Variants in CCDC141 observed in about 807,000 individuals in gnomAD.
CCDC141 encodes coiled-coil domain-containing protein 141.
CCDC141 carries 168 observed loss-of-function variants against 181.0 expected under a neutral mutation model. The observed-to-expected ratio is 0.93, with a 90% CI of 0.82 to 1.05. The LOEUF (loss-of-function observed/expected upper bound fraction) is 1.05, where lower values mean the gene tolerates loss of function less well. Among genes scored for constraint, CCDC141 ranks in the 50% least tolerant of loss-of-function variants. CCDC141 has a pLI of 0.00. For synonymous variants in CCDC141, 666 were observed against 642.3 expected (o/e 1.04, Z -0.56); for missense variants, 1,902 against 1,788.5 (o/e 1.06, Z -1.14).
At chr2:178,971,663 A>G (rs1263660828) in intron 4 of CCDC141, among the ~76,000 whole-genome samples, 2 of 152,212 alleles carry the variant, frequency 1.3e-5, no homozygotes, top group Non-Finnish European at 2.9e-5. Context: ...AAAGACTTGG[A>G]ACCAACCCAA....
chr2:179,033,420 A>T (rs1013342975), intron 2 of CCDC141, among the ~76,000 whole-genome samples: 1 of 152,136 alleles, frequency 6.6e-6, no homozygotes, highest in Non-Finnish European at 1.5e-5. Context: ...GTGAATTTTG[A>T]TATCTTCAGA....
chr2:178,948,731 G>T (rs773682490), intron 5 of CCDC141, among the ~76,000 whole-genome samples: 11 of 152,138 alleles, frequency 7.2e-5, no homozygotes, highest in Non-Finnish European at 1.5e-4. Context: ...AGACCTGGTT[G>T]TTAAAAACAG....
At chr2:178,884,327 A>G (rs74268226) in intron 11 of CCDC141, among the ~76,000 whole-genome samples, 10,733 of 152,106 alleles carry the variant, frequency 0.071, 564 homozygotes, top group Admixed American at 0.16. Flanking sequence ...CACACACAGA[A>G]AAACTGCTTT....
At chr2:178,875,133 T>C (rs1213495803) in intron 12 of CCDC141, 1 of 152,234 alleles carries the variant, frequency 6.6e-6, no homozygotes, top group African/African-American at 2.4e-5. Context: ...GGGTGACCCT[T>C]TCTAGAAGAA....
At chr2:178,877,928 C>T (rs777981855) in intron 12 of CCDC141, 36 bp downstream of exon 12, 5 of 1,561,580 alleles carry the variant, frequency 3.2e-6, no homozygotes, top group Non-Finnish European at 4.4e-6. Flanking sequence ...ATGAGTATCC[C>T]TGCAGAAGGT....
chr2:178,817,547 T>A, the CCDC141 span: 2 of 470,972 alleles, frequency 4.2e-6, no homozygotes, highest in Non-Finnish European at 8.8e-6. Context: ...CAGGTACCAC[T>A]TAGAAGTCAT....
chr2:178,930,214 G>A (rs1370681526), intron 6 of CCDC141, among the ~76,000 whole-genome samples: 2 of 151,986 alleles, frequency 1.3e-5, no homozygotes, highest in East Asian at 1.9e-4. Flanking sequence ...ATTCATGGTA[G>A]CATCAAAAAA....
chr2:178,881,281 A>G (rs758200871), intron 11 of CCDC141, among the ~76,000 whole-genome samples: 9 of 152,172 alleles, frequency 5.9e-5, no homozygotes, highest in Non-Finnish European at 1.0e-4. Context: ...CTGACTAAAA[A>G]TGTATGCCAG....
At chr2:179,010,437 T>C (rs1050677690) in intron 2 of CCDC141, among the ~76,000 whole-genome samples, 1 of 152,134 alleles carries the variant, frequency 6.6e-6, no homozygotes, top group African/African-American at 2.4e-5. Context: ...ACTTACCAGA[T>C]TAACAGTAGA....
intron 4 of CCDC141, among the ~76,000 whole-genome samples, chr2:178,965,091 T>G (rs980729994): frequency 6.6e-6 from 1 of 152,232 alleles, no homozygotes; most frequent in Non-Finnish European, 1.5e-5. Context: ...TTAAATAAAC[T>G]TTCCAAATGA....
intron 2 of CCDC141, among the ~76,000 whole-genome samples, chr2:179,004,469 A>G (rs1401368871): frequency 1.3e-5 from 2 of 152,192 alleles, no homozygotes; most frequent in South Asian, 2.1e-4. Flanking sequence ...TTATATGTCA[A>G]AATTGTTCAT....
chr2:178,841,595 T>C (rs1684723491), intron 22 of CCDC141, among the ~76,000 whole-genome samples: 1 of 152,224 alleles, frequency 6.6e-6, no homozygotes, highest in Non-Finnish European at 1.5e-5. Flanking sequence ...CAAATAAGAT[T>C]TCCGTTTTTA....
chr2:179,015,362 A>G (rs1172602804), intron 2 of CCDC141, among the ~76,000 whole-genome samples: 1 of 140,506 alleles, frequency 7.1e-6, no homozygotes, highest in Non-Finnish European at 1.5e-5. Context: ...TACATATCCC[A>G]TATATGTATC....
chr2:178,837,197 C>T lies in CCDC141; in HGVS notation c.4022G>A (p.Gly1341Asp), dbSNP rs762743615. 26 of 1,613,834 alleles carry T rather than the reference C, an allele frequency of 1.6e-5. No homozygotes were observed. In the African/African-American group the frequency reaches 3.3e-4, roughly 21 times the overall value. The stretch of plus-strand genomic sequence containing the variant: ...CATTTTCTCCCGTGTTTCTAGCAAA[C>T]CACCCTGAGCCTGAGGGTGCTGCTG... ...ALQQHPQAQG[G>D]LLETREKMHA... The change falls in exon 23 of 24, where the codon GGT becomes GAT. Residue 1341 changes from glycine to aspartate, a missense_variant. Gly to Asp is a moderately conservative substitution (Grantham distance 94). Transcript: ENST00000443758.
At chr2:178,921,936 T>A (rs1351758185) in intron 6 of CCDC141, among the ~76,000 whole-genome samples, 1 of 152,222 alleles carries the variant, frequency 6.6e-6, no homozygotes, top group Non-Finnish European at 1.5e-5. Context: ...TGTGTAAAGA[T>A]GCAGAATAAA....
chr2:178,865,859 C>T lies in CCDC141; in HGVS notation c.2632G>A (p.Asp878Asn). The T allele has an allele frequency of 6.2e-7, 1 of 1,605,946 alleles. No individual in the cohort carries two copies. Among genetic ancestry groups the T allele is most frequent in the Non-Finnish European group, 8.5e-7 (1 of 1,175,746 alleles). The stretch of plus-strand genomic sequence containing the variant: ...GCTTTGGCACGCCACTTCATGCTGT[C>T]CTCCTCAAGGAGCTCCAGCTGCTGC... ...LQQQLELLEE[D>N]SMKWRAKAEE... The change falls in exon 17 of 24, where the codon GAC becomes AAC. Residue 878 changes from aspartate to asparagine, a missense_variant. Coordinates refer to ENST00000443758, the MANE Select transcript of CCDC141 (RefSeq NM_173648.4).
At chr2:178,819,434 A>G in the CCDC141 span, among the ~76,000 whole-genome samples, 1 of 152,268 alleles carries the variant, frequency 6.6e-6, no homozygotes, top group Non-Finnish European at 1.5e-5. Context: ...AAGAACAAAA[A>G]TAAGAAAAAG....
intron 6 of CCDC141, among the ~76,000 whole-genome samples, chr2:178,939,671 C>G (rs1689428466): frequency 6.6e-6 from 1 of 151,820 alleles, no homozygotes; most frequent in African/African-American, 2.4e-5. Context: ...AGAATACCAC[C>G]CAGAGAAATA....
intron 12 of CCDC141, chr2:178,877,678 G>A (rs924979351): frequency 4.7e-6 from 2 of 427,920 alleles, no homozygotes; most frequent in East Asian, 4.1e-5. Context: ...CAGAACTTTT[G>A]GGTGGACTTC....
Sources: gnomAD v4.1 joint callset for allele counts (sites outside exome capture counted in the v4.1 genomes callset) on GRCh38, gnomAD v4.1.1 for gene constraint, MANE v1.5 for transcripts, NCBI Gene and HGNC (gene_info 2026-07-23, HGNC 2026-07-21) for gene names.